Variants in AMBRA1 observed in about 807,000 individuals in gnomAD.
AMBRA1 encodes the protein activating molecule in BECN1-regulated autophagy protein 1.
A neutral mutation model predicts 125.4 loss-of-function variants in AMBRA1; 47 were observed. That is an observed-to-expected ratio of 0.37 (90% CI 0.30 to 0.48). The LOEUF (loss-of-function observed/expected upper bound fraction) is 0.48, where lower values mean the gene tolerates loss of function less well. Among genes scored for constraint, AMBRA1 ranks in the 20% least tolerant of loss-of-function variants. The pLI is 0.99. For synonymous variants in AMBRA1, 626 were observed against 655.5 expected (o/e 0.95, Z 0.69); for missense variants, 1,331 against 1,693.4 (o/e 0.79, Z 3.76).
chr11:46,508,984 T>C (rs1951160890), intron 8 of AMBRA1, among the ~76,000 whole-genome samples: 4 of 152,190 alleles, frequency 2.6e-5, no homozygotes, highest in Admixed American at 2.6e-4. Flanking sequence ...TAGATATTTG[T>C]AACATGGGGA....
At position 46,548,335 on chromosome 11, in the gene AMBRA1, G is replaced by A. The variant is rs765749168; in HGVS notation, c.46C>T (p.Arg16Ter). 3.7e-6 allele frequency: 6 copies of A among 1,613,762 alleles called. No individual in the cohort carries two copies. Among genetic ancestry groups the A allele is most frequent in the Admixed American group, 3.3e-5 (2 of 59,952 alleles). The change falls in exon 2 of 18, where the codon CGA (arginine) becomes TGA (stop). Residue 16 changes from arginine to a stop codon, truncating the protein, a stop_gained. Coordinates refer to ENST00000683756, the MANE Select transcript of AMBRA1 (RefSeq NM_001387011.1). LOFTEE classifies it high-confidence loss of function. ...EKNAVRILWG[R>*]ERGARAMGAQ... Reference sequence around the variant, plus strand: ...CCCATGGCCCGAGCACCCCGTTCTCGCCCCCAGAGTATCCGGACAGCATTC... The same window carrying A: ...CCCATGGCCCGAGCACCCCGTTCTCACCCCCAGAGTATCCGGACAGCATTC...
intron 11 of AMBRA1, among the ~76,000 whole-genome samples, chr11:46,465,625 G>A (rs1949291701): frequency 6.6e-6 from 1 of 152,154 alleles, no homozygotes; most frequent in Non-Finnish European, 1.5e-5. Context: ...GTTAGAGAGT[G>A]CAAAGAGAAA....
At chr11:46,419,101 G>C (rs1166700073) in intron 14 of AMBRA1, among the ~76,000 whole-genome samples, 1 of 152,216 alleles carries the variant, frequency 6.6e-6, no homozygotes, top group African/African-American at 2.4e-5. Context: ...AAGATGGAGG[G>C]AGCGGAGCAG....
intron 14 of AMBRA1, among the ~76,000 whole-genome samples, chr11:46,432,878 G>A (rs77161239): frequency 0.021 from 3,207 of 152,322 alleles, 48 homozygotes; most frequent in Non-Finnish European, 0.031. Context: ...ACTCAGGCAC[G>A]TTAGTCTGGC....
intron 11 of AMBRA1, among the ~76,000 whole-genome samples, chr11:46,463,351 A>C (rs1363491604): frequency 6.6e-6 from 1 of 152,224 alleles, no homozygotes; most frequent in Non-Finnish European, 1.5e-5. Context: ...CTCTGATAGC[A>C]AGAACACACA....
chr11:46,477,488 G>C (rs578259386), intron 11 of AMBRA1, among the ~76,000 whole-genome samples: 1 of 145,688 alleles, frequency 6.9e-6, no homozygotes, highest in East Asian at 2.0e-4. Context: ...ACCAAGCTCA[G>C]CTAATTTCTG....
Position 46,408,565 on chromosome 11 carries a change from CTG to C in AMBRA1, c.3349_3350del (p.Gln1117AspfsTer2). ...LALQLQNAETQTEREVPEPGT... is the reference protein window; with the variant it reads ...LALQLQNAETXTEREVPEPGT... ...CTGGCTCCGGCACCTCCCTCTCAGT[CTG>C]TGTTTCGGCATTCTGCAGCTGAAGG... On this transcript the variant is annotated frameshift_variant, in exon 17 of 18. Transcript: ENST00000683756. LOFTEE classifies it high-confidence loss of function. The C allele has an allele frequency of 6.2e-7, 1 of 1,603,972 alleles. No individual in the cohort carries two copies. The highest frequency in any genetic ancestry group is 8.5e-7 in the Non-Finnish European group (1 of 1,174,052).
chr11:46,567,196 C>T (rs1208089203), intron 1 of AMBRA1, among the ~76,000 whole-genome samples: 1 of 152,026 alleles, frequency 6.6e-6, no homozygotes. Flanking sequence ...CTCAGCCTCC[C>T]GAGCAGCTGG....
chr11:46,543,388 T>A lies in AMBRA1; in HGVS notation c.629A>T (p.Glu210Val). Residue 210 changes from glutamate to valine, a missense_variant, in exon 7 of 18, where the codon GAA (glutamate) becomes GTA (valine). Around this residue, in one of 4 missense-constraint regions of AMBRA1, gnomAD observed 689 missense variants for 776.5 expected, o/e 0.89. Coordinates refer to ENST00000683756, the MANE Select transcript of AMBRA1 (RefSeq NM_001387011.1). ...TGTTCCATCTATGGGGATCTCTGGTTCGTCATCACCCTGCAACGTGGACCA... is the reference window on the plus strand; with the variant it reads ...TGTTCCATCTATGGGGATCTCTGGTACGTCATCACCCTGCAACGTGGACCA... The part of the protein sequence containing the change: ...VNPSNQQGDD[E>V]PEIPIDGTEL... 3.1e-6 allele frequency: 5 copies of A among 1,613,776 alleles called. No individual in the cohort carries two copies. Among genetic ancestry groups the A allele is most frequent in the Non-Finnish European group, 4.2e-6 (5 of 1,179,882 alleles).
At chr11:46,448,711 G>A (rs570959901) in intron 11 of AMBRA1, among the ~76,000 whole-genome samples, 23 of 151,956 alleles carry the variant, frequency 1.5e-4, no homozygotes, top group African/African-American at 4.8e-4. Context: ...GGCCAACTAC[G>A]AAAAAAGAGA....
intron 7 of AMBRA1, among the ~76,000 whole-genome samples, chr11:46,533,015 T>C (rs1345648552): frequency 6.6e-6 from 1 of 151,838 alleles, no homozygotes; most frequent in Non-Finnish European, 1.5e-5. Context: ...ATACAAAAAT[T>C]AGCCAGGCCT....
At chr11:46,404,234 G>T (rs1440234253) in intron 17 of AMBRA1, among the ~76,000 whole-genome samples, 1 of 152,194 alleles carries the variant, frequency 6.6e-6, no homozygotes, top group African/African-American at 2.4e-5. Context: ...TGTAGCAGGT[G>T]TGAGTACAGG....
chr11:46,453,362 C>T (rs1414216795), intron 11 of AMBRA1, among the ~76,000 whole-genome samples: 2 of 152,010 alleles, frequency 1.3e-5, no homozygotes, highest in Admixed American at 1.3e-4. Context: ...AACTACTGGG[C>T]TCAAGCAATC....
intron 1 of AMBRA1, among the ~76,000 whole-genome samples, chr11:46,559,795 C>T (rs1482701998): frequency 6.6e-6 from 1 of 152,126 alleles, no homozygotes; most frequent in Non-Finnish European, 1.5e-5. Context: ...TAATCTTGGA[C>T]AAATCATATC....
intron 1 of AMBRA1, among the ~76,000 whole-genome samples, chr11:46,549,827 G>C (rs937535792): frequency 1.3e-5 from 2 of 151,228 alleles, no homozygotes; most frequent in Non-Finnish European, 2.9e-5. Context: ...TTCTTTTTTG[G>C]GGGGGGTGGG....
Position 46,468,747 on chromosome 11 carries a change from G to A in AMBRA1, c.2521+24861C>T, listed in dbSNP as rs185379925. On this transcript the variant is annotated intron_variant, in intron 11 of 17. Coordinates refer to ENST00000683756, the MANE Select transcript of AMBRA1 (RefSeq NM_001387011.1). Reference sequence around the variant, plus strand: ...GAATGGCGTGAACCTGGGAGGCGGAGCTTGCAGTGAGCCGAGATCACACCA... The same window carrying A: ...GAATGGCGTGAACCTGGGAGGCGGAACTTGCAGTGAGCCGAGATCACACCA... 1.5e-3 allele frequency among the ~76,000 whole-genome samples: 225 copies of A among 150,104 alleles called. 1 individual carries two copies. Among genetic ancestry groups the A allele is most frequent in the African/African-American group, 5.4e-3 (220 of 40,760 alleles).
rs199820988 is a variant in AMBRA1, at chr11:46,493,864, G to A, written c.2421-156C>T. 7.7e-5 allele frequency: 51 copies of A among 665,460 alleles called. No homozygotes were observed. The East Asian group carries it at 1.4e-3, about 18-fold the overall frequency. The allele number at this position is 665,460 out of a possible 1,614,324, so 41.2% of individuals were successfully genotyped here. Reference sequence around the variant, plus strand: ...CCAAGATTGGTCCTTCCGCAGATTTGTATCTATCTTTTTCTGCCCTTCCTT... The same window carrying A: ...CCAAGATTGGTCCTTCCGCAGATTTATATCTATCTTTTTCTGCCCTTCCTT... On this transcript the variant is annotated intron_variant, in intron 10 of 17. Coordinates refer to ENST00000683756, the MANE Select transcript of AMBRA1 (RefSeq NM_001387011.1).
chr11:46,474,611 C>G (rs1949738951), intron 11 of AMBRA1, among the ~76,000 whole-genome samples: 1 of 152,144 alleles, frequency 6.6e-6, no homozygotes, highest in African/African-American at 2.4e-5. Flanking sequence ...TGGTCTTGAA[C>G]TCCAGACCTC....
intron 7 of AMBRA1, among the ~76,000 whole-genome samples, chr11:46,537,306 G>A (rs569519934): frequency 6.6e-6 from 1 of 152,326 alleles, no homozygotes; most frequent in East Asian, 1.9e-4. Context: ...TATTTCAAAT[G>A]AAACGGAGGA....
Sources: allele counts gnomAD v4.1 joint callset (sites outside exome capture counted in the v4.1 genomes callset), GRCh38; gene constraint gnomAD v4.1.1; regional missense constraint gnomAD v4.1.1; transcripts MANE v1.5; gene names NCBI Gene and HGNC (gene_info 2026-07-23, HGNC 2026-07-21).